PPM1E: variants seen among roughly 807,000 people sequenced by gnomAD.
PPM1E encodes the protein protein phosphatase, Mg2+/Mn2+ dependent 1E.
In PPM1E, 20 loss-of-function variants were observed where a neutral mutation model predicts 65.9. The observed-to-expected ratio is 0.30, with a 90% confidence interval of 0.21 to 0.44. The LOEUF is 0.44. PPM1E is among the 20% of genes least tolerant of loss of function. The pLI, the probability that PPM1E is intolerant of heterozygous loss-of-function variation, is 1.00. For synonymous variants in PPM1E, 352 were observed against 374.9 expected (o/e 0.94, Z 0.70); for missense variants, 713 against 953.1 (o/e 0.75, Z 3.32).
At chr17:58,784,856 T>C (rs1368698791) in intron 1 of PPM1E, among the ~76,000 whole-genome samples, 3 of 152,216 alleles carry the variant, frequency 2.0e-5, no homozygotes, top group Admixed American at 2.0e-4. Context: ...ATTTATCTTT[T>C]ATTATTTGAA....
chr17:58,831,721 A>G (rs1272161923), intron 1 of PPM1E, among the ~76,000 whole-genome samples: 1 of 152,170 alleles, frequency 6.6e-6, no homozygotes, highest in Non-Finnish European at 1.5e-5. Flanking sequence ...CCTATTGGAC[A>G]GTTTGGACTC....
chr17:58,936,970 T>C (rs1397778749), intron 1 of PPM1E, among the ~76,000 whole-genome samples: 3 of 152,084 alleles, frequency 2.0e-5, no homozygotes, highest in Non-Finnish European at 4.4e-5. Flanking sequence ...TTGATTGGAT[T>C]GATGTCAGCC....
intron 1 of PPM1E, among the ~76,000 whole-genome samples, chr17:58,804,974 C>A (rs1481635221): frequency 6.6e-6 from 1 of 152,108 alleles, no homozygotes; most frequent in Non-Finnish European, 1.5e-5. Flanking sequence ...TTCTATCTAA[C>A]AGTATTTTTG....
At chr17:58,759,105 A>G (rs540085684) in intron 1 of PPM1E, among the ~76,000 whole-genome samples, 8 of 151,906 alleles carry the variant, frequency 5.3e-5, no homozygotes, top group Non-Finnish European at 1.0e-4. Flanking sequence ...AATAAAACAA[A>G]AAATAAAAAC....
rs2049753239 is a variant in PPM1E at position 58,755,907 on chromosome 17, C to T, written c.-91C>T. 6.4e-7 allele frequency: 1 copy of T among 1,560,184 alleles called. No individual in the cohort carries two copies. On this transcript the variant is annotated 5_prime_UTR_variant, in exon 1 of 7. Coordinates refer to ENST00000308249, the MANE Select transcript of PPM1E (RefSeq NM_014906.5). ...CGTGCCGGTGCGGCCGTTAACCGCC[C>T]TTGCCGGAGCCCTAGGCTCAAAAGC... is the stretch of plus-strand genomic sequence containing the variant.
chr17:58,949,056 ATT>A (rs1174821839), intron 1 of PPM1E, among the ~76,000 whole-genome samples: 2 of 152,024 alleles, frequency 1.3e-5, no homozygotes, highest in Non-Finnish European at 2.9e-5. Flanking sequence ...TTCCTTGTTG[ATT>A]TTCTGCCTAG....
intron 1 of PPM1E, among the ~76,000 whole-genome samples, chr17:58,801,749 G>GT (rs893005205): frequency 4.7e-5 from 7 of 149,244 alleles, no homozygotes; most frequent in African/African-American, 9.9e-5. Context: ...CTCCCCTTCA[G>GT]TTTTTTTTTA....
intron 1 of PPM1E, among the ~76,000 whole-genome samples, chr17:58,928,153 G>GCCT (rs1450335882): frequency 1.3e-5 from 2 of 151,968 alleles, no homozygotes; most frequent in African/African-American, 2.4e-5. Context: ...GATCACTTGA[G>GCCT]CCTACAAGGT....
In PPM1E at chr17:58,779,281, T is replaced by G. The variant is rs571355794; in HGVS notation, c.464+22820T>G. ...ACCTCCGCTTCCTGGGTTCAAGCAA[T>G]TCTCCTGCTCCTCCCGAGTAGCTGG... On this transcript the variant is annotated intron_variant, in intron 1 of 6. Coordinates refer to ENST00000308249, the MANE Select transcript of PPM1E (RefSeq NM_014906.5). 2.0e-5 allele frequency among the ~76,000 whole-genome samples: 3 copies of G among 150,930 alleles called. No homozygotes were observed. The South Asian group carries it at 6.3e-4, about 32-fold the overall frequency.
intron 2 of PPM1E, among the ~76,000 whole-genome samples, chr17:58,964,099 C>T (rs1481638462): frequency 2.0e-5 from 3 of 152,136 alleles, no homozygotes; most frequent in Non-Finnish European, 4.4e-5. Context: ...GTCCACGTCC[C>T]AGGCTGTTCT....
At chr17:58,767,205 G>A (rs746950230) in intron 1 of PPM1E, among the ~76,000 whole-genome samples, 11 of 151,984 alleles carry the variant, frequency 7.2e-5, no homozygotes, top group Admixed American at 1.3e-4. Flanking sequence ...GTGAGACCTC[G>A]TTTAGGCATT....
At chr17:58,769,881 G>C (rs1239092201) in intron 1 of PPM1E, among the ~76,000 whole-genome samples, 2 of 152,036 alleles carry the variant, frequency 1.3e-5, no homozygotes, top group Admixed American at 6.6e-5. Flanking sequence ...ACAAAAATTA[G>C]ATGGGCATGG....
intron 1 of PPM1E, among the ~76,000 whole-genome samples, chr17:58,850,893 C>T (rs970494944): frequency 6.6e-6 from 1 of 152,202 alleles, no homozygotes; most frequent in Non-Finnish European, 1.5e-5. Context: ...GTTCCATTCT[C>T]CCCGTCACTT....
Position 58,980,293 on chromosome 17 carries a change from A to G in PPM1E, c.1530A>G (p.Gly510=). Residue 510 remains glycine, a synonymous_variant, in exon 7 of 7, where the codon GGA becomes GGG. Transcript: ENST00000308249. This position sits in a 1 kb window ranked among gnomAD's most constrained non-coding sequence, Gnocchi z 4.7. ...ATTGGACAGAGAACTCTTTTCAAGG[A>G]GGGCAAGAAGATGGTGGGGATGATA... is the stretch of plus-strand genomic sequence containing the variant. The part of the protein sequence containing the change: ...ESDWTENSFQ[G]GQEDGGDDKE... 1.2e-6 allele frequency: 2 copies of G among 1,614,192 alleles called. No individual in the cohort carries two copies. Among genetic ancestry groups the G allele is most frequent in the Non-Finnish European group, 1.7e-6 (2 of 1,180,030 alleles).
At chr17:58,977,461 T>TAATG (rs1053438818) in intron 6 of PPM1E, among the ~76,000 whole-genome samples, 2 of 144,496 alleles carry the variant, frequency 1.4e-5, no homozygotes, top group African/African-American at 5.2e-5. Flanking sequence ...AAAAAAGAAA[T>TAATG]AATGAATGAA....
intron 1 of PPM1E, among the ~76,000 whole-genome samples, chr17:58,830,292 GTTATTA>G (rs376605107): frequency 3.1e-4 from 46 of 146,798 alleles, no homozygotes; most frequent in East Asian, 1.2e-3. Flanking sequence ...TGTTGTTGTT[GTTATTA>G]TTATTATTAT....
intron 1 of PPM1E, among the ~76,000 whole-genome samples, chr17:58,901,640 A>G (rs1464268061): frequency 2.0e-5 from 3 of 151,836 alleles, no homozygotes; most frequent in Non-Finnish European, 4.4e-5. Flanking sequence ...GCCCCGCTGC[A>G]CTCCAGCCTG....
intron 6 of PPM1E, among the ~76,000 whole-genome samples, chr17:58,976,388 G>A (rs2030995792): frequency 6.6e-6 from 1 of 152,140 alleles, no homozygotes; most frequent in Non-Finnish European, 1.5e-5. Context: ...AAATCCAGTA[G>A]CTTAAGTGGA....
intron 3 of PPM1E, chr17:58,966,120 T>C (rs2030219780): frequency 1.8e-6 from 1 of 557,268 alleles, no homozygotes; most frequent in African/African-American, 1.9e-5. Context: ...AATAAAAATG[T>C]CTCTTATCCT....
Sources: gnomAD v4.1 joint callset for allele counts (sites outside exome capture counted in the v4.1 genomes callset) on GRCh38, gnomAD v4.1.1 for gene constraint, Gnocchi (gnomAD v3.1) non-coding constraint, MANE v1.5 for transcripts, NCBI Gene and HGNC (gene_info 2026-07-23, HGNC 2026-07-21) for gene names.